The following ALG6 variants were observed in gnomAD, a reference collection of about 807,000 sequenced individuals.
The protein encoded by ALG6 is dolichyl pyrophosphate Man9GlcNAc2 alpha-1,3-glucosyltransferase.
Under a neutral mutation model 66.6 loss-of-function variants are expected in ALG6, and 46 were observed. The ratio of observed to expected loss-of-function variants is 0.69; its 90% CI spans 0.55 to 0.88. The LOEUF (loss-of-function observed/expected upper bound fraction) is 0.88. Among genes scored for constraint, ALG6 ranks in the 40% least tolerant of loss-of-function variants. The pLI, the probability that ALG6 is intolerant of heterozygous loss-of-function variation, is 0.00. For synonymous variants in ALG6, 185 were observed against 203.7 expected (o/e 0.91, Z 0.78); for missense variants, 505 against 586.8 (o/e 0.86, Z 1.44).
chr1:63,404,652 A>G (rs1644481811), intron 5 of ALG6, 111 bp downstream of exon 5: 1 of 828,138 alleles, frequency 1.2e-6, no homozygotes, highest in African/African-American at 1.7e-5. Context: ...GCAATTACAC[A>G]AACACATATA....
intron 2 of ALG6, among the ~76,000 whole-genome samples, chr1:63,379,537 A>G (rs1648235890): frequency 6.6e-6 from 1 of 151,982 alleles, no homozygotes; most frequent in Non-Finnish European, 1.5e-5. Flanking sequence ...TTGCCTCCTT[A>G]CTGACTGCAC....
At chr1:63,372,543 T>G (rs1380590917) in intron 2 of ALG6, among the ~76,000 whole-genome samples, 1 of 149,230 alleles carries the variant, frequency 6.7e-6, no homozygotes, top group Non-Finnish European at 1.5e-5. Flanking sequence ...ATATAGTAAA[T>G]GTATATATAC....
At chr1:63,422,256 T>TGA (rs1644584639) in intron 12 of ALG6, among the ~76,000 whole-genome samples, 1 of 110,632 alleles carries the variant, frequency 9.0e-6, no homozygotes, top group Non-Finnish European at 1.7e-5. Flanking sequence ...TATATATATT[T>TGA]ATATAGATAT....
chr1:63,411,527 TTTCAA>T (rs1644516133), intron 8 of ALG6, among the ~76,000 whole-genome samples, 196 bp downstream of exon 8: 1 of 152,192 alleles, frequency 6.6e-6, no homozygotes, highest in Admixed American at 6.5e-5. Context: ...TAGAGAAATA[TTTCAA>T]TTCATGTATA....
chr1:63,392,595 C>T (rs1389536532), intron 2 of ALG6, among the ~76,000 whole-genome samples: 1 of 152,152 alleles, frequency 6.6e-6, no homozygotes, highest in East Asian at 1.9e-4. Flanking sequence ...AAAATTCAAA[C>T]ATAATTATGA....
rs1557589880 is a variant in ALG6, at chr1:63,406,880, C to T, written c.430-182C>T. 3.3e-5 allele frequency among the ~76,000 whole-genome samples: 5 copies of T among 151,982 alleles called. No homozygotes were observed. The South Asian group carries it at 8.3e-4, about 25-fold the overall frequency. On this transcript the variant is annotated intron_variant, in intron 6 of 14. Coordinates refer to ENST00000263440, the MANE Select transcript of ALG6 (RefSeq NM_013339.4). ...TTTTTATGGAAGTGTCCAATGTCAC[C>T]TTCATGAAAACTTCATTGTCTAAAG...
At chr1:63,405,377 G>A (rs754713456) in intron 5 of ALG6, among the ~76,000 whole-genome samples, 2 of 152,096 alleles carry the variant, frequency 1.3e-5, no homozygotes, top group Non-Finnish European at 2.9e-5. Flanking sequence ...GAGAGCTCCA[G>A]TCATTAAAAA....
rs564013184 is a variant in ALG6, at chr1:63,400,370, T to TAC, written c.168-1884_168-1883insAC. Among the ~76,000 whole-genome samples the TAC allele has an allele frequency of 1.3e-3, 175 of 130,892 alleles. 13 individuals are homozygous for TAC. Among genetic ancestry groups the TAC allele is most frequent in the African/African-American group, 5.1e-3 (167 of 32,946 alleles). 85.9% of individuals were successfully genotyped at this position (130,892 alleles called of 152,430 possible). A position where few individuals can be genotyped will look rare whatever the true frequency, so the allele number is the denominator to read the frequency against. ...ATATGTATATATATATGTATATATA[T>TAC]GTATATATATATAAAATATAAAGCA... On this transcript the variant is annotated intron_variant, in intron 3 of 14. Coordinates refer to ENST00000263440, the MANE Select transcript of ALG6 (RefSeq NM_013339.4).
At chr1:63,431,634 T>C (rs1644646065) in intron 14 of ALG6, among the ~76,000 whole-genome samples, 1 of 152,198 alleles carries the variant, frequency 6.6e-6, no homozygotes, top group Non-Finnish European at 1.5e-5. Context: ...TAATATTTAG[T>C]CTTCCAATGA....
rs146939069 is a variant in ALG6, at chr1:63,429,114, T to C, written c.1314T>C (p.Ile438=). 166 of 1,596,728 alleles carry C rather than the reference T, an allele frequency of 1.0e-4. No individual in the cohort carries two copies. Among genetic ancestry groups the C allele is most frequent in the Non-Finnish European group, 9.9e-5 (116 of 1,169,450 alleles). The part of the protein sequence containing the change: ...YLPCFTFLSR[I]IQYLFLISVI... The stretch of plus-strand genomic sequence containing the variant: ...CATGTTTTACATTTCTTTCCAGAAT[T>C]ATACAATATTTGGTAAGTTCAATTT... Residue 438 remains isoleucine (I), a synonymous_variant, in exon 14 of 15, where the codon ATT becomes ATC. Transcript: ENST00000263440.
intron 12 of ALG6, among the ~76,000 whole-genome samples, chr1:63,422,160 T>TATTTATATAG (rs1644579038): frequency 9.6e-6 from 1 of 103,978 alleles, no homozygotes; most frequent in Non-Finnish European, 1.8e-5. Flanking sequence ...TATAAATATA[T>TATTTATATAG]ATATAACTAT....
At chr1:63,382,655 GTTTTTTTTTGTTTTTTTTTTT>G (rs1557581406) in intron 2 of ALG6, among the ~76,000 whole-genome samples, 1 of 81,228 alleles carries the variant, frequency 1.2e-5, no homozygotes, top group African/African-American at 4.8e-5. Context: ...TTTTTTGTTT[GTTTTTTTTTGTTTTTTTTTTT>G]TTGTTTTTTT....
rs1335275470 is a variant in ALG6, at chr1:63,414,161, G to A, written c.902+15G>A. On this transcript the variant is annotated intron_variant, in intron 10 of 14. Coordinates refer to ENST00000263440, the MANE Select transcript of ALG6 (RefSeq NM_013339.4). ...TTAATAATGAGGTAAGAGAAACAAA[G>A]TTTGTATGTAGTATTTTATAAGTTA... The A allele has an allele frequency of 2.0e-6, 3 of 1,524,602 alleles. No homozygotes were observed. The highest frequency in any genetic ancestry group is 2.7e-6 in the Non-Finnish European group (3 of 1,099,736). 94.4% of individuals were successfully genotyped at this position (1,524,602 alleles called of 1,614,324 possible).
chr1:63,400,233 ATATATATATACGTATATATATG>A (rs1243644027), intron 3 of ALG6, among the ~76,000 whole-genome samples: 457 of 22,222 alleles, frequency 0.021, 79 homozygotes, highest in Non-Finnish European at 0.023. Flanking sequence ...GTATATATAT[ATATATATATACGTATATATATG>A]TATATATATA....
At chr1:63,370,641 C>T (rs910687027) in intron 1 of ALG6, 130 bp from the exon 2 acceptor site, 8 of 292,502 alleles carry the variant, frequency 2.7e-5, no homozygotes, top group South Asian at 1.9e-4. Context: ...ACTTAAAATA[C>T]CACGTTTCCT....
At position 63,382,537 on chromosome 1, in the gene ALG6, C is replaced by T. The variant is rs1344919180; in HGVS notation, c.82+11478C>T. ...TCACCCAGGCTGGAGTGCAGTGGTACGGCCTTGGCTCATTGCAACTCTGCC... is the reference window on the plus strand; with the variant it reads ...TCACCCAGGCTGGAGTGCAGTGGTATGGCCTTGGCTCATTGCAACTCTGCC... On this transcript the variant is annotated intron_variant, in intron 2 of 14. Transcript: ENST00000263440. Among the ~76,000 whole-genome samples, 3 of 152,042 alleles carry T rather than the reference C, an allele frequency of 2.0e-5. No individual in the cohort carries two copies. The East Asian group carries it at 5.8e-4, about 29-fold the overall frequency.
At chr1:63,370,230 A>G (rs10889417) in intron 1 of ALG6, among the ~76,000 whole-genome samples, 127,785 of 152,102 alleles carry the variant, frequency 0.84, 54,087 homozygotes, top group East Asian at 0.97. Context: ...ACGATTTGGG[A>G]TTATTCTTAA....
chr1:63,405,556 G>T (rs1442411031), intron 5 of ALG6, among the ~76,000 whole-genome samples: 1 of 152,078 alleles, frequency 6.6e-6, no homozygotes, highest in Non-Finnish European at 1.5e-5. Context: ...TGAGCAATTT[G>T]TTGAATGTGA....
intron 7 of ALG6, among the ~76,000 whole-genome samples, chr1:63,407,497 T>C (rs1353110842): frequency 6.6e-6 from 1 of 152,108 alleles, no homozygotes; most frequent in Admixed American, 6.5e-5. Flanking sequence ...TCTTACAGTT[T>C]TATGAGTTTA....
Sources: allele counts gnomAD v4.1 joint callset (sites outside exome capture counted in the v4.1 genomes callset), GRCh38; gene constraint gnomAD v4.1.1; transcripts MANE v1.5; gene names NCBI Gene and HGNC (gene_info 2026-07-23, HGNC 2026-07-21).